The following PM20D1 variants were observed in gnomAD, a reference collection of about 807,000 sequenced individuals.
PM20D1 encodes N-fatty-acyl-amino acid synthase/hydrolase PM20D1.
Under a neutral mutation model 53.8 loss-of-function variants are expected in PM20D1, and 53 were observed. The observed-to-expected ratio is 0.98, with a 90% CI of 0.79 to 1.24. PM20D1 has a LOEUF of 1.24. PM20D1 is among the 50% of genes most tolerant of loss of function. The pLI is 0.00. For missense variants in PM20D1, 564 were observed against 616.8 expected, an observed-to-expected ratio of 0.91 and a Z score of 0.91; for synonymous variants, 239 against 241.3, an observed-to-expected ratio of 0.99 and a Z score of 0.09.
intron 10 of PM20D1, among the ~76,000 whole-genome samples, chr1:205,835,674 AAAG>A (rs1428047733): frequency 2.0e-5 from 3 of 150,402 alleles, no homozygotes; most frequent in African/African-American, 7.4e-5. Context: ...AAAAAAAAAA[AAAG>A]GTGTAATGTG....
chr1:205,846,529 C>G (rs1656988758), intron 2 of PM20D1, among the ~76,000 whole-genome samples: 1 of 152,126 alleles, frequency 6.6e-6, no homozygotes, highest in South Asian at 2.1e-4. Context: ...CCGCATTAAC[C>G]AAATTATATT....
chr1:205,835,678 G>C (rs1274620257), intron 10 of PM20D1, among the ~76,000 whole-genome samples: 1 of 116,854 alleles, frequency 8.6e-6, no homozygotes, highest in African/African-American at 3.0e-5. Flanking sequence ...AAAAAAAAAG[G>C]TGTAATGTGC....
intron 10 of PM20D1, among the ~76,000 whole-genome samples, chr1:205,833,614 C>T (rs1656609729): frequency 6.6e-6 from 1 of 152,102 alleles, no homozygotes; most frequent in African/African-American, 2.4e-5. Flanking sequence ...AGAGTGAATC[C>T]AGAAAAATTC....
At chr1:205,848,026 T>C in intron 1 of PM20D1, 55 bp from the exon 2 acceptor site, 1 of 1,536,608 alleles carries the variant, frequency 6.5e-7, no homozygotes, top group Non-Finnish European at 9.0e-7. Context: ...ATTGTTTTTT[T>C]CTACAGTCCT....
At chr1:205,833,379 C>T (rs1333049623) in intron 10 of PM20D1, among the ~76,000 whole-genome samples, 2 of 152,202 alleles carry the variant, frequency 1.3e-5, no homozygotes, top group African/African-American at 4.8e-5. Flanking sequence ...TGGCTTCAGC[C>T]TCGGAGAACC....
At chr1:205,836,029 C>A (rs946583807) in intron 10 of PM20D1, among the ~76,000 whole-genome samples, 1 of 152,184 alleles carries the variant, frequency 6.6e-6, no homozygotes, top group South Asian at 2.1e-4. Context: ...GTGCCCACCA[C>A]CATGCCCAGC....
chr1:205,844,005 A>G (rs986765516), intron 5 of PM20D1, 82 bp downstream of exon 5: 134 of 1,536,076 alleles, frequency 8.7e-5, no homozygotes, highest in Middle Eastern at 4.6e-4. Context: ...TTGTCTCAGC[A>G]TGGCTCACAG....
At chr1:205,843,553 A>G (rs1656866394) in intron 6 of PM20D1, 114 bp downstream of exon 6, 2 of 1,443,466 alleles carry the variant, frequency 1.4e-6, no homozygotes, top group Admixed American at 4.5e-5. Flanking sequence ...TTTATAGCAT[A>G]GTTTCCCAGC....
At chr1:205,841,420 A>G (rs887051600) in intron 9 of PM20D1, among the ~76,000 whole-genome samples, 4 of 152,164 alleles carry the variant, frequency 2.6e-5, no homozygotes, top group Admixed American at 6.5e-5. Context: ...GTAACAAAGT[A>G]TCCTGGGGAG....
chr1:205,845,672 CT>C, intron 2 of PM20D1, 115 bp from the exon 3 acceptor site: 2 of 816,524 alleles, frequency 2.4e-6, no homozygotes, highest in Non-Finnish European at 3.8e-6. Flanking sequence ...ATGCATCCTC[CT>C]TTAGGAAGCC....
chr1:205,849,862 C>A lies in PM20D1; in HGVS notation c.169+42G>T, dbSNP rs199788237. ...ACGGGTTGACCTGGGGAGGGAGGGA[C>A]CCACATATGAGCATAGGTGGGTGAA... On this transcript the variant is annotated intron_variant, in intron 1 of 12. Coordinates refer to ENST00000367136, the MANE Select transcript of PM20D1 (RefSeq NM_152491.5). 2.8e-3 allele frequency: 4,431 copies of A among 1,562,192 alleles called. 17 individuals are homozygous for A. Among genetic ancestry groups the A allele is most frequent in the Non-Finnish European group, 3.4e-3 (3,950 of 1,148,434 alleles).
Position 205,841,947 on chromosome 1 carries a change from G to T in PM20D1, c.966-58C>A, listed in dbSNP as rs1656820136. ...AAGAACCAATGGGGTGAAGGAAAGGGCGGAAACATTACCCACTTTCCTGAA... is the reference window on the plus strand; with the variant it reads ...AAGAACCAATGGGGTGAAGGAAAGGTCGGAAACATTACCCACTTTCCTGAA... On this transcript the variant is annotated intron_variant, in intron 8 of 12. Coordinates refer to ENST00000367136, the MANE Select transcript of PM20D1 (RefSeq NM_152491.5). 5.4e-6 allele frequency: 8 copies of T among 1,469,746 alleles called. No individual in the cohort carries two copies. In the South Asian group the frequency reaches 9.7e-5, roughly 18 times the overall value. The allele number at this position is 1,469,746 out of a possible 1,614,324, so 91.0% of individuals were successfully genotyped here.
chr1:205,841,915 T>C, intron 8 of PM20D1, 26 bp from the exon 9 acceptor site: 1 of 1,546,604 alleles, frequency 6.5e-7, no homozygotes, highest in South Asian at 1.2e-5. Flanking sequence ...CAAGGTCAGA[T>C]GTTAGAAAGA....
intron 9 of PM20D1, among the ~76,000 whole-genome samples, 173 bp downstream of exon 9, chr1:205,841,638 C>A (rs112178399): frequency 6.6e-6 from 1 of 152,120 alleles, no homozygotes; most frequent in Non-Finnish European, 1.5e-5. Flanking sequence ...CTGGCAGTTA[C>A]AAGAATGGTC....
intron 7 of PM20D1, 102 bp from the exon 8 acceptor site, chr1:205,842,317 A>G: frequency 1.9e-6 from 2 of 1,027,652 alleles, no homozygotes; most frequent in South Asian, 1.3e-5. Flanking sequence ...AGGGGCCCTT[A>G]GCAGTCAGGA....
chr1:205,836,021 G>T lies in PM20D1; in HGVS notation c.1117-3255C>A, dbSNP rs200348902. On this transcript the variant is annotated intron_variant, in intron 10 of 12. Transcript: ENST00000367136. Reference sequence around the variant, plus strand: ...CTCCTGAGTAGCTGGGATTACAGGTGCCCACCACCATGCCCAGCTAATTTT... The same window carrying T: ...CTCCTGAGTAGCTGGGATTACAGGTTCCCACCACCATGCCCAGCTAATTTT... 2.0e-5 allele frequency among the ~76,000 whole-genome samples: 3 copies of T among 152,122 alleles called. No individual in the cohort carries two copies. In the South Asian group the frequency reaches 6.2e-4, roughly 32 times the overall value.
intron 10 of PM20D1, 29 bp downstream of exon 10, chr1:205,840,222 GA>G (rs1370397321): frequency 6.3e-7 from 1 of 1,592,150 alleles, no homozygotes; most frequent in Non-Finnish European, 8.6e-7. Flanking sequence ...GATGCTGCAT[GA>G]GTTGTTGTCT....
chr1:205,841,194 A>T (rs995443477), intron 9 of PM20D1, among the ~76,000 whole-genome samples: 64 of 152,192 alleles, frequency 4.2e-4, no homozygotes, highest in Non-Finnish European at 3.2e-4. Context: ...GACTAACTGG[A>T]GAAAAGAGTT....
At chr1:205,839,730 CA>C (rs1025533085) in intron 10 of PM20D1, among the ~76,000 whole-genome samples, 3 of 151,472 alleles carry the variant, frequency 2.0e-5, no homozygotes, top group African/African-American at 7.3e-5. Flanking sequence ...ACAAAAAATA[CA>C]AAAAATACAA....
Sources: gnomAD v4.1 joint callset for allele counts (sites outside exome capture counted in the v4.1 genomes callset) on GRCh38, gnomAD v4.1.1 for gene constraint, MANE v1.5 for transcripts, NCBI Gene and HGNC (gene_info 2026-07-23, HGNC 2026-07-21) for gene names.